The following GRIK2 variants were observed in gnomAD, a reference collection of about 807,000 sequenced individuals.
GRIK2 encodes glutamate receptor ionotropic, kainate 2.
A neutral mutation model predicts 100.3 loss-of-function variants in GRIK2; 32 were observed. The ratio of observed to expected loss-of-function variants is 0.32; its 90% CI spans 0.24 to 0.43. The LOEUF is 0.43. GRIK2 is among the 20% of genes least tolerant of loss of function. The pLI is 1.00. For missense variants in GRIK2, 843 were observed against 1,114.9 expected (o/e 0.76, Z 3.47); for synonymous variants, 417 against 389.4 (o/e 1.07, Z -0.83).
intron 13 of GRIK2, chr6:101,927,404 C>A (rs1789970312): frequency 4.8e-6 from 1 of 209,174 alleles, no homozygotes; most frequent in Non-Finnish European, 8.3e-6. Flanking sequence ...TTAGTCTATG[C>A]TTTCTTGATA....
At chr6:101,451,832 C>A (rs2128249352) in intron 2 of GRIK2, among the ~76,000 whole-genome samples, 1 of 151,606 alleles carries the variant, frequency 6.6e-6, no homozygotes, top group South Asian at 2.1e-4. Flanking sequence ...AAGTTAGAGA[C>A]TTTATTTTGT....
intron 2 of GRIK2, among the ~76,000 whole-genome samples, chr6:101,423,361 A>G (rs1280257795): frequency 6.6e-6 from 1 of 152,172 alleles, no homozygotes; most frequent in African/African-American, 2.4e-5. Flanking sequence ...TAAAATTTGG[A>G]TAGACTTCCC....
At chr6:101,940,821 T>G (rs1248855079) in intron 14 of GRIK2, among the ~76,000 whole-genome samples, 2 of 152,204 alleles carry the variant, frequency 1.3e-5, no homozygotes, top group Non-Finnish European at 2.9e-5. Flanking sequence ...ATAGAGCACA[T>G]GTAATACATC....
intron 7 of GRIK2, among the ~76,000 whole-genome samples, chr6:101,752,791 G>T (rs1241209022): frequency 3.3e-5 from 5 of 152,164 alleles, no homozygotes; most frequent in African/African-American, 1.2e-4. Flanking sequence ...TATTGCATAT[G>T]TAAGAGTACA....
chr6:101,710,963 T>C (rs993207702), intron 7 of GRIK2, among the ~76,000 whole-genome samples: 1 of 151,772 alleles, frequency 6.6e-6, no homozygotes, highest in African/African-American at 2.4e-5. Flanking sequence ...CTATCTGCAG[T>C]ATTAGTAGCA....
intron 2 of GRIK2, among the ~76,000 whole-genome samples, chr6:101,432,452 C>A (rs1026537371): frequency 7.2e-5 from 11 of 151,990 alleles, no homozygotes; most frequent in Non-Finnish European, 1.5e-5. Context: ...ATGATATTTA[C>A]CCCCCAGATA....
rs1351417917 is a variant in GRIK2, at chr6:101,686,300, C to T, written c.898C>T (p.Arg300Ter). ...SSIIEKWSME[R>*]LQAPPKPDSG... Reference sequence around the variant, plus strand: ...CATCATTGAAAAGTGGTCGATGGAACGATTGCAGGCACCTCCGAAACCCGA... The same window carrying T: ...CATCATTGAAAAGTGGTCGATGGAATGATTGCAGGCACCTCCGAAACCCGA... The change falls in exon 7 of 17, where the codon CGA (arginine) becomes TGA (stop). Residue 300 changes from arginine to a stop codon, truncating the protein, a stop_gained. Transcript: ENST00000369134. LOFTEE classifies it high-confidence loss of function. The T allele has an allele frequency of 3.1e-6, 5 of 1,613,122 alleles. No individual in the cohort carries two copies. Among genetic ancestry groups the T allele is most frequent in the Non-Finnish European group, 4.2e-6 (5 of 1,179,358 alleles).
At chr6:101,782,550 A>G (rs936936256) in intron 7 of GRIK2, among the ~76,000 whole-genome samples, 1 of 152,132 alleles carries the variant, frequency 6.6e-6, no homozygotes, top group African/African-American at 2.4e-5. Flanking sequence ...TTTCTTTTTC[A>G]TGGTCAAATG....
At chr6:102,020,485 GA>G (rs1200062261) in intron 14 of GRIK2, among the ~76,000 whole-genome samples, 2 of 151,828 alleles carry the variant, frequency 1.3e-5, no homozygotes, top group African/African-American at 4.8e-5. Flanking sequence ...ACCATCCTAA[GA>G]AGATTCTGCT....
At chr6:101,763,736 T>C (rs1777872157) in intron 7 of GRIK2, among the ~76,000 whole-genome samples, 1 of 152,200 alleles carries the variant, frequency 6.6e-6, no homozygotes, top group South Asian at 2.1e-4. Flanking sequence ...TGTTAGATAT[T>C]TTTCTGGACT....
intron 2 of GRIK2, 40 bp downstream of exon 2, chr6:101,399,432 C>T (rs1291408793): frequency 1.0e-6 from 1 of 990,198 alleles, no homozygotes; most frequent in Non-Finnish European, 1.6e-6. Context: ...GGTATCCGCT[C>T]CCAGGCAGCC....
At chr6:101,656,735 A>C (rs1302155951) in intron 4 of GRIK2, among the ~76,000 whole-genome samples, 1 of 152,220 alleles carries the variant, frequency 6.6e-6, no homozygotes, top group Admixed American at 6.5e-5. Context: ...GAAGGTACCA[A>C]TATAACCAAA....
intron 14 of GRIK2, among the ~76,000 whole-genome samples, chr6:101,971,901 T>C (rs529429352): frequency 3.3e-5 from 5 of 152,130 alleles, no homozygotes; most frequent in African/African-American, 1.2e-4. Context: ...TCCAGCTGCA[T>C]GCATGTTGCT....
chr6:101,938,827 A>G (rs1179974092), intron 14 of GRIK2, among the ~76,000 whole-genome samples: 1 of 152,030 alleles, frequency 6.6e-6, no homozygotes, highest in African/African-American at 2.4e-5. Context: ...ATCTATTTAG[A>G]GAAAGAATAG....
intron 7 of GRIK2, among the ~76,000 whole-genome samples, chr6:101,795,608 A>C (rs1187842423): frequency 6.6e-6 from 1 of 152,198 alleles, no homozygotes; most frequent in Admixed American, 6.5e-5. Flanking sequence ...GAGAAATAGC[A>C]GTAGTGATGG....
chr6:101,987,505 ATTC>A (rs1162155943), intron 14 of GRIK2, among the ~76,000 whole-genome samples: 2 of 151,516 alleles, frequency 1.3e-5, no homozygotes, highest in Non-Finnish European at 3.0e-5. Context: ...TGCCTTTTCA[ATTC>A]TTATTAGGTG....
intron 2 of GRIK2, among the ~76,000 whole-genome samples, chr6:101,480,953 A>G (rs1772496902): frequency 6.6e-6 from 1 of 152,230 alleles, no homozygotes; most frequent in Admixed American, 6.5e-5. Context: ...GGGAGTCATG[A>G]ATAGAGTGTT....
At chr6:101,871,030 A>C (rs955415716) in intron 11 of GRIK2, among the ~76,000 whole-genome samples, 1 of 151,894 alleles carries the variant, frequency 6.6e-6, no homozygotes, top group African/African-American at 2.4e-5. Flanking sequence ...ACTTCAAATG[A>C]GATTTGATTA....
chr6:101,687,345 A>G (rs1339998322), intron 7 of GRIK2, among the ~76,000 whole-genome samples: 2 of 151,984 alleles, frequency 1.3e-5, no homozygotes, highest in African/African-American at 4.8e-5. Context: ...AATTAAGGAA[A>G]TAGCTTAGCA....
Sources: allele counts gnomAD v4.1 joint callset (sites outside exome capture counted in the v4.1 genomes callset), GRCh38; gene constraint gnomAD v4.1.1; transcripts MANE v1.5; gene names NCBI Gene and HGNC (gene_info 2026-07-23, HGNC 2026-07-21).